PLEK: variants seen among roughly 807,000 people sequenced by gnomAD.
PLEK encodes pleckstrin.
PLEK carries 25 observed loss-of-function variants against 43.9 expected under a neutral mutation model. The observed-to-expected ratio is 0.57, with a 90% CI of 0.41 to 0.79. The LOEUF is 0.79. Among genes scored for constraint, PLEK ranks in the 30% least tolerant of loss-of-function variants. The probability of loss-of-function intolerance (pLI) is 0.00; values close to 1 mark genes in which losing one functional copy is unlikely to be tolerated. For missense variants in PLEK, 396 were observed against 413.3 expected (o/e 0.96, Z 0.36); for synonymous variants, 152 against 144.4 (o/e 1.05, Z -0.38).
At chr2:68,381,021 A>C (rs1231289847) in intron 3 of PLEK, 117 bp downstream of exon 3, 2 of 833,060 alleles carry the variant, frequency 2.4e-6, no homozygotes, top group South Asian at 1.6e-5. Flanking sequence ...CTGCCAGGTC[A>C]ATACTGGCAC....
chr2:68,378,865 C>G (rs10187305), intron 1 of PLEK, among the ~76,000 whole-genome samples: 80,175 of 152,062 alleles, frequency 0.53, 22,684 homozygotes, highest in East Asian at 0.76. Context: ...CGCGATGGCT[C>G]ACACCTGTAA....
chr2:68,396,107 G>T lies in PLEK; in HGVS notation c.*291G>T. The stretch of plus-strand genomic sequence containing the variant: ...GGCCTCAGGGCCTCTTCTGGAAAAT[G>T]AAGAAATTCAACTAGTAGATTCCTG... On this transcript the variant is annotated 3_prime_UTR_variant, in exon 9 of 9. Coordinates refer to ENST00000234313, the MANE Select transcript of PLEK (RefSeq NM_002664.3). 1 of 286,046 alleles carries T rather than the reference G, an allele frequency of 3.5e-6. No individual in the cohort carries two copies. The highest frequency in any genetic ancestry group is 6.6e-6 in the Non-Finnish European group (1 of 152,264). The allele number at this position is 286,046 out of a possible 1,614,324, so 17.7% of individuals were successfully genotyped here. A position where few individuals can be genotyped will look rare whatever the true frequency, so the allele number is the denominator to read the frequency against.
At chr2:68,382,701 T>A in intron 4 of PLEK, 68 bp downstream of exon 4, 3 of 870,584 alleles carry the variant, frequency 3.4e-6, no homozygotes, top group Non-Finnish European at 1.9e-6. Flanking sequence ...TTCGGCCTCG[T>A]CTGTGAGGTG....
intron 1 of PLEK, among the ~76,000 whole-genome samples, chr2:68,377,976 C>G (rs6719472): frequency 6.6e-6 from 1 of 151,904 alleles, no homozygotes; most frequent in Non-Finnish European, 1.5e-5. Context: ...GTTCTTGCCC[C>G]CCTGGAACAT....
chr2:68,388,781 G>T (rs752378435), intron 6 of PLEK, among the ~76,000 whole-genome samples: 3 of 151,976 alleles, frequency 2.0e-5, no homozygotes, highest in African/African-American at 4.8e-5. Flanking sequence ...GAGATAAATT[G>T]TCTAAGAGAT....
chr2:68,388,462 A>G lies in PLEK; in HGVS notation c.733A>G (p.Ile245Val), dbSNP rs750103600. 2 of 1,604,246 alleles carry G rather than the reference A, an allele frequency of 1.2e-6. No homozygotes were observed. Among genetic ancestry groups the G allele is most frequent in the Non-Finnish European group, 1.7e-6 (2 of 1,170,966 alleles). The change falls in exon 6 of 9, where the codon ATT becomes GTT. Residue 245 changes from isoleucine (I) to valine (V), a missense_variant. Transcript: ENST00000234313. ...VILKEEFRGVIIKQGCLLKQG... is the reference protein window; with the variant it reads ...VILKEEFRGVVIKQGCLLKQG... Reference sequence around the variant, plus strand: ...TCTGAAAGAAGAATTCAGAGGGGTCATTATCAAGCAGGGATGTTTACTGAA... The same window carrying G: ...TCTGAAAGAAGAATTCAGAGGGGTCGTTATCAAGCAGGGATGTTTACTGAA...
At chr2:68,371,884 AC>A (rs1673415519) in intron 1 of PLEK, among the ~76,000 whole-genome samples, 1 of 152,118 alleles carries the variant, frequency 6.6e-6, no homozygotes. Context: ...ATAAGTCTTT[AC>A]AAAATATTAT....
At chr2:68,393,120 G>A (rs749969598) in intron 6 of PLEK, 42 bp from the exon 7 acceptor site, 10 of 1,139,172 alleles carry the variant, frequency 8.8e-6, no homozygotes, top group Non-Finnish European at 1.3e-5. Flanking sequence ...AGTGATGCTG[G>A]GAATTCACCA....
intron 3 of PLEK, 86 bp downstream of exon 3, chr2:68,380,990 A>C (rs1573075449): frequency 5.3e-6 from 6 of 1,137,664 alleles, no homozygotes. Context: ...TGCTTTGACC[A>C]CCTCTGATGT....
At position 68,382,570 on chromosome 2, in the gene PLEK, GA is replaced by G; in HGVS notation, c.414del (p.Gly139GlufsTer2). On this transcript the variant is annotated frameshift_variant, in exon 4 of 9. Coordinates refer to ENST00000234313, the MANE Select transcript of PLEK (RefSeq NM_002664.3). LOFTEE classifies it high-confidence loss of function. ...GALYLSMKDT[E>X]KGIKELNLEK... ...CTTATATTTGTCCATGAAAGACACT[GA>G]AAAAGGAATAAAAGAACTGAATCTA... 5 of 1,599,628 alleles carry G rather than the reference GA, an allele frequency of 3.1e-6. No individual in the cohort carries two copies. Among genetic ancestry groups the G allele is most frequent in the Non-Finnish European group, 4.3e-6 (5 of 1,167,102 alleles).
intron 6 of PLEK, among the ~76,000 whole-genome samples, chr2:68,391,095 T>G (rs1376556570): frequency 6.6e-6 from 1 of 152,236 alleles, no homozygotes; most frequent in African/African-American, 2.4e-5. Flanking sequence ...TAGATGGCTT[T>G]GACAGTTCAG....
chr2:68,380,376 G>A lies in PLEK; in HGVS notation c.91G>A (p.Asp31Asn), dbSNP rs767732114. ...WKPMWVVLLE[D>N]GIEFYKKKSD... Reference sequence around the variant, plus strand: ...ACCCATGTGGGTTGTATTGTTAGAAGATGGAATTGAATTCTATAAGAAGAA... The same window carrying A: ...ACCCATGTGGGTTGTATTGTTAGAAAATGGAATTGAATTCTATAAGAAGAA... The change falls in exon 2 of 9, where the codon GAT becomes AAT. Residue 31 changes from aspartate (D) to asparagine (N), a missense_variant. Transcript: ENST00000234313. 1 of 1,613,588 alleles carries A rather than the reference G, an allele frequency of 6.2e-7. No homozygotes were observed.
rs1158788384 is a variant in PLEK, at chr2:68,396,934, A to G, written c.*1118A>G. 6.6e-6 allele frequency: 1 copy of G among 152,238 alleles called. No individual in the cohort carries two copies. Among genetic ancestry groups the G allele is most frequent in the Non-Finnish European group, 1.5e-5 (1 of 68,048 alleles). 9.4% of individuals were successfully genotyped at this position (152,238 alleles called of 1,614,324 possible). A position where few individuals can be genotyped will look rare whatever the true frequency, so the allele number is the denominator to read the frequency against. ...CGCAGCATCTTCAGTTCTCCAGTAAATGATATTGCGTTCGTGCCTCAGCTT... is the reference window on the plus strand; with the variant it reads ...CGCAGCATCTTCAGTTCTCCAGTAAGTGATATTGCGTTCGTGCCTCAGCTT... On this transcript the variant is annotated 3_prime_UTR_variant, in exon 9 of 9. Transcript: ENST00000234313.
rs1369550704 is a variant in PLEK, at chr2:68,396,971, A to G, written c.*1155A>G. Reference sequence around the variant, plus strand: ...TCGTGCCTCAGCTTTAAGCACAAGTAGCAGCAGCTCCTGCTTGAGTTCTGA... The same window carrying G: ...TCGTGCCTCAGCTTTAAGCACAAGTGGCAGCAGCTCCTGCTTGAGTTCTGA... On this transcript the variant is annotated 3_prime_UTR_variant, in exon 9 of 9. Transcript: ENST00000234313. 1 of 152,186 alleles carries G rather than the reference A, an allele frequency of 6.6e-6. No individual in the cohort carries two copies. The highest frequency in any genetic ancestry group is 2.4e-5 in the African/African-American group (1 of 41,446). The allele number at this position is 152,186 out of a possible 1,614,324, so 9.4% of individuals were successfully genotyped here.
chr2:68,383,623 A>G (rs1673677018), intron 4 of PLEK, among the ~76,000 whole-genome samples: 2 of 152,202 alleles, frequency 1.3e-5, no homozygotes, highest in Admixed American at 1.3e-4. Context: ...GAAACTGACC[A>G]GCCTAGTAGG....
In PLEK at chr2:68,397,173, T is replaced by C. The variant is rs1326674363; in HGVS notation, c.*1357T>C. 1 of 152,190 alleles carries C rather than the reference T, an allele frequency of 6.6e-6. No homozygotes were observed. Among genetic ancestry groups the C allele is most frequent in the Non-Finnish European group, 1.5e-5 (1 of 68,022 alleles). 9.4% of individuals were successfully genotyped at this position (152,190 alleles called of 1,614,324 possible). ...ATATTTTTCAATTCCAGATTTTTAATTTTAAGGCTCCAGGAAAGAAAGGAG... is the reference window on the plus strand; with the variant it reads ...ATATTTTTCAATTCCAGATTTTTAACTTTAAGGCTCCAGGAAAGAAAGGAG... On this transcript the variant is annotated 3_prime_UTR_variant, in exon 9 of 9. Transcript: ENST00000234313.
chr2:68,366,825 G>A (rs1287466110), intron 1 of PLEK, among the ~76,000 whole-genome samples: 1 of 152,224 alleles, frequency 6.6e-6, no homozygotes, highest in Non-Finnish European at 1.5e-5. Context: ...ATCCTGAGAA[G>A]AGCAAGTGAA....
intron 1 of PLEK, among the ~76,000 whole-genome samples, chr2:68,377,235 G>T (rs1057106094): frequency 1.3e-5 from 2 of 152,182 alleles, no homozygotes; most frequent in Admixed American, 1.3e-4. Flanking sequence ...CAACATGGGA[G>T]TGCAGATATC....
rs772642988 is a variant in PLEK at position 68,380,483 on chromosome 2, G to A, written c.198G>A (p.Met66Ile). Residue 66 changes from methionine (M) to isoleucine (I), a missense_variant and splice_region_variant, in exon 2 of 9, where the codon ATG (methionine) becomes ATA (isoleucine). Coordinates refer to ENST00000234313, the MANE Select transcript of PLEK (RefSeq NM_002664.3). ...CTTGTCAAGACTTTGGCAAAAGGATGGTAAGTTGACATCATGAGCTGCCGT... is the reference window on the plus strand; with the variant it reads ...CTTGTCAAGACTTTGGCAAAAGGATAGTAAGTTGACATCATGAGCTGCCGT... ...TSPCQDFGKR[M>I]FVFKITTTKQ... is the part of the protein sequence containing the mutation. 11 of 1,613,100 alleles carry A rather than the reference G, an allele frequency of 6.8e-6. No homozygotes were observed. The highest frequency in any genetic ancestry group is 5.5e-5 in the South Asian group (5 of 90,960).
Sources: allele counts gnomAD v4.1 joint callset (sites outside exome capture counted in the v4.1 genomes callset), GRCh38; gene constraint gnomAD v4.1.1; transcripts MANE v1.5; gene names NCBI Gene and HGNC (gene_info 2026-07-23, HGNC 2026-07-21).